DRC11: variants seen among roughly 807,000 people sequenced by gnomAD.
DRC11 encodes the protein IQ and AAA domain-containing protein 1.
the DRC11 span, among the ~76,000 whole-genome samples, chr2:236,434,823 T>A: frequency 6.6e-6 from 1 of 152,186 alleles, no homozygotes; most frequent in Non-Finnish European, 1.5e-5. The surrounding 1 kb of genome is among the most constrained non-coding windows in gnomAD (Gnocchi z 5.5). Flanking sequence ...ATAAAATGTG[T>A]CTGGATGCTT....
the DRC11 span, among the ~76,000 whole-genome samples, chr2:236,478,209 C>T: frequency 6.6e-6 from 1 of 151,932 alleles, no homozygotes; most frequent in Non-Finnish European, 1.5e-5. This position sits in a 1 kb window ranked among gnomAD's most constrained non-coding sequence, Gnocchi z 5.9. Flanking sequence ...CTTAGTGCTG[C>T]TTTTGTTATA....
chr2:236,400,450 T>C, the DRC11 span, among the ~76,000 whole-genome samples: 1,204 of 152,356 alleles, frequency 7.9e-3, 10 homozygotes, highest in South Asian at 0.012. This position sits in a 1 kb window ranked among gnomAD's most constrained non-coding sequence, Gnocchi z 7.9. Context: ...AGGGTTCACC[T>C]GCGCCTAATA....
At chr2:236,479,716 T>C in the DRC11 span, among the ~76,000 whole-genome samples, 1 of 152,360 alleles carries the variant, frequency 6.6e-6, no homozygotes, top group South Asian at 2.1e-4. The surrounding 1 kb of genome is among the most constrained non-coding windows in gnomAD (Gnocchi z 4.1). Flanking sequence ...CTGTAGTTAC[T>C]GTTAATTTTG....
the DRC11 span, among the ~76,000 whole-genome samples, chr2:236,412,241 C>T: frequency 2.6e-5 from 4 of 152,104 alleles, no homozygotes; most frequent in Non-Finnish European, 5.9e-5. Flanking sequence ...AGAAAGAAAA[C>T]CTTCCTTTTA....
the DRC11 span, chr2:236,338,417 G>C: frequency 7.7e-6 from 12 of 1,553,706 alleles, no homozygotes; most frequent in East Asian, 2.7e-4. Context: ...TCCACATATA[G>C]AAAAAAAGAA....
At chr2:236,357,272 CATATATT>C in the DRC11 span, among the ~76,000 whole-genome samples, 57 of 36,550 alleles carry the variant, frequency 1.6e-3, no homozygotes, top group East Asian at 0.021. Context: ...TATAAATATA[CATATATT>C]ATATATTTAT....
the DRC11 span, among the ~76,000 whole-genome samples, chr2:236,456,451 AC>A: frequency 6.6e-6 from 1 of 152,148 alleles, no homozygotes; most frequent in Non-Finnish European, 1.5e-5. The surrounding 1 kb of genome is among the most constrained non-coding windows in gnomAD (Gnocchi z 5.4). Flanking sequence ...TGCAGAAGAC[AC>A]CATCACATCA....
chr2:236,507,380 G>T, the DRC11 span: 2 of 1,106,098 alleles, frequency 1.8e-6, no homozygotes, highest in South Asian at 1.3e-5. Flanking sequence ...GGATTTGGGT[G>T]GGGGGTCTTC....
At chr2:236,447,819 C>A in the DRC11 span, among the ~76,000 whole-genome samples, 1 of 135,934 alleles carries the variant, frequency 7.4e-6, no homozygotes, top group Non-Finnish European at 1.5e-5. The surrounding 1 kb of genome is among the most constrained non-coding windows in gnomAD (Gnocchi z 4.6). Flanking sequence ...TTTGGATGCC[C>A]AATCGAGGAG....
the DRC11 span, among the ~76,000 whole-genome samples, chr2:236,312,447 G>T: frequency 6.6e-6 from 1 of 152,114 alleles, no homozygotes; most frequent in African/African-American, 2.4e-5. Flanking sequence ...AACTGATTCT[G>T]ATATATGCCC....
At chr2:236,468,453 A>T in the DRC11 span, among the ~76,000 whole-genome samples, 3 of 152,234 alleles carry the variant, frequency 2.0e-5, no homozygotes. Flanking sequence ...TTAAAGTAAT[A>T]TAAAAGCGAA....
the DRC11 span, among the ~76,000 whole-genome samples, chr2:236,499,815 A>G: frequency 6.6e-6 from 1 of 152,122 alleles, no homozygotes; most frequent in African/African-American, 2.4e-5. The surrounding 1 kb of genome is among the most constrained non-coding windows in gnomAD (Gnocchi z 4.7). Context: ...GCCATTTTGG[A>G]GGCAATTCAG....
chr2:236,382,639 C>T, the DRC11 span, among the ~76,000 whole-genome samples: 3 of 152,176 alleles, frequency 2.0e-5, no homozygotes, highest in Non-Finnish European at 4.4e-5. Context: ...GCAGTTTTAA[C>T]ATACAAGTCC....
the DRC11 span, among the ~76,000 whole-genome samples, chr2:236,378,631 C>A: frequency 6.7e-6 from 1 of 149,616 alleles, no homozygotes; most frequent in Non-Finnish European, 1.5e-5. Flanking sequence ...GCTGAGATGG[C>A]GCAAGTTCTC....
the DRC11 span, among the ~76,000 whole-genome samples, chr2:236,462,606 G>A: frequency 3.9e-5 from 6 of 152,088 alleles, no homozygotes; most frequent in African/African-American, 7.2e-5. The surrounding 1 kb of genome is among the most constrained non-coding windows in gnomAD (Gnocchi z 6.4). Flanking sequence ...GGGCGGCGGA[G>A]GTTGCAGTGA....
At chr2:236,323,253 A>G in the DRC11 span, among the ~76,000 whole-genome samples, 1 of 152,146 alleles carries the variant, frequency 6.6e-6, no homozygotes, top group Admixed American at 6.5e-5. This position sits in a 1 kb window ranked among gnomAD's most constrained non-coding sequence, Gnocchi z 6.4. Flanking sequence ...CATCTTGGAG[A>G]CAGGAATGTC....
the DRC11 span, among the ~76,000 whole-genome samples, chr2:236,377,880 G>C: frequency 6.6e-6 from 1 of 152,182 alleles, no homozygotes; most frequent in Admixed American, 6.5e-5. This position sits in a 1 kb window ranked among gnomAD's most constrained non-coding sequence, Gnocchi z 4.9. Context: ...AATGATACTT[G>C]CTGGGGTTTG....
At chr2:236,334,966 C>T in the DRC11 span, among the ~76,000 whole-genome samples, 1 of 152,012 alleles carries the variant, frequency 6.6e-6, no homozygotes, top group East Asian at 1.9e-4. This position sits in a 1 kb window ranked among gnomAD's most constrained non-coding sequence, Gnocchi z 7.8. Flanking sequence ...CATCCATCAG[C>T]CTGGGGGGTG....
chr2:236,487,904 T>C, the DRC11 span: 9 of 723,396 alleles, frequency 1.2e-5, no homozygotes, highest in Non-Finnish European at 1.1e-5. Context: ...GGGTAGGATT[T>C]GGTGTTTGAG....
Sources: gnomAD v4.1 joint callset for allele counts (sites outside exome capture counted in the v4.1 genomes callset) on GRCh38, gnomAD v4.1.1 for gene constraint, Gnocchi (gnomAD v3.1) non-coding constraint, MANE v1.5 for transcripts, NCBI Gene and HGNC (gene_info 2026-07-23, HGNC 2026-07-21) for gene names.